Variants in PLCL1 observed in about 807,000 individuals in gnomAD.
The protein encoded by PLCL1 is inactive phospholipase C-like protein 1.
In PLCL1, 41 loss-of-function variants were observed where a neutral mutation model predicts 84.4. The ratio of observed to expected loss-of-function variants is 0.49; its 90% CI spans 0.38 to 0.63. PLCL1 has a LOEUF of 0.63. PLCL1 is among the 30% of genes least tolerant of loss of function. The pLI is 0.00. For synonymous variants in PLCL1, 490 were observed against 488.3 expected (o/e 1.00, Z -0.05); for missense variants, 1,206 against 1,367.8 (o/e 0.88, Z 1.87).
intron 1 of PLCL1, among the ~76,000 whole-genome samples, chr2:198,013,996 T>C (rs1035912141): frequency 9.2e-5 from 14 of 152,090 alleles, no homozygotes; most frequent in African/African-American, 3.1e-4. Context: ...CTAATTCTTC[T>C]TGGCCTGTTT....
intron 5 of PLCL1, among the ~76,000 whole-genome samples, chr2:198,129,683 A>G (rs1694074187): frequency 6.6e-6 from 1 of 152,104 alleles, no homozygotes; most frequent in South Asian, 2.1e-4. Flanking sequence ...TTCATCAACA[A>G]TATGTATACA....
chr2:197,874,565 A>G (rs1336456895), intron 1 of PLCL1, among the ~76,000 whole-genome samples: 2 of 152,152 alleles, frequency 1.3e-5, no homozygotes, highest in African/African-American at 4.8e-5. Context: ...CCTCCAAACT[A>G]TTTAAAAGTA....
chr2:197,825,140 T>C (rs1187906465), intron 1 of PLCL1, among the ~76,000 whole-genome samples: 2 of 152,074 alleles, frequency 1.3e-5, no homozygotes, highest in East Asian at 3.9e-4. Flanking sequence ...ATAATGAATA[T>C]AACATTTTTC....
intron 1 of PLCL1, among the ~76,000 whole-genome samples, chr2:197,986,067 A>G (rs1690211980): frequency 6.6e-6 from 1 of 152,232 alleles, no homozygotes; most frequent in Non-Finnish European, 1.5e-5. Context: ...GAGTGATATT[A>G]GATTCCTATA....
chr2:197,840,629 C>A (rs1686977210), intron 1 of PLCL1, among the ~76,000 whole-genome samples: 1 of 152,056 alleles, frequency 6.6e-6, no homozygotes, highest in South Asian at 2.1e-4. Flanking sequence ...CTACTCTCAG[C>A]ATAATCTTCT....
chr2:197,856,451 AC>A (rs1687331809), intron 1 of PLCL1, among the ~76,000 whole-genome samples: 1 of 152,220 alleles, frequency 6.6e-6, no homozygotes, highest in Non-Finnish European at 1.5e-5. Context: ...AAAACAACTT[AC>A]CAAAAGGTAC....
At chr2:197,995,772 G>T (rs1039405795) in intron 1 of PLCL1, among the ~76,000 whole-genome samples, 1 of 152,160 alleles carries the variant, frequency 6.6e-6, no homozygotes, top group African/African-American at 2.4e-5. Flanking sequence ...TAATGGGGGG[G>T]CGTGTGCCCA....
At chr2:197,983,325 GCTCAAGTGGT>G (rs1285745023) in intron 1 of PLCL1, among the ~76,000 whole-genome samples, 1 of 146,438 alleles carries the variant, frequency 6.8e-6, no homozygotes, top group Non-Finnish European at 1.5e-5. Context: ...AACCTCCTGG[GCTCAAGTGGT>G]CTTCTCATCT....
chr2:197,922,894 G>T (rs1178885515), intron 1 of PLCL1, among the ~76,000 whole-genome samples: 33 of 129,972 alleles, frequency 2.5e-4, no homozygotes, highest in Admixed American at 9.1e-4. Flanking sequence ...GCGGCTGGCC[G>T]GGCGGGGGGC....
rs1690462331 is a variant in PLCL1, at chr2:197,805,776, T to A, written c.240+437T>A. On this transcript the variant is annotated intron_variant, in intron 1 of 5. Coordinates refer to ENST00000428675, the MANE Select transcript of PLCL1 (RefSeq NM_006226.4). The surrounding 1 kb of genome is among the most constrained non-coding windows in gnomAD (Gnocchi z 4.0). Reference sequence around the variant, plus strand: ...GTGTAAAAAAAGAATCCCTCTAGACTTAAATGATCCCGAAATCCCAAGATG... The same window carrying A: ...GTGTAAAAAAAGAATCCCTCTAGACATAAATGATCCCGAAATCCCAAGATG... 6.6e-6 allele frequency among the ~76,000 whole-genome samples: 1 copy of A among 152,200 alleles called. No individual in the cohort carries two copies. The highest frequency in any genetic ancestry group is 1.5e-5 in the Non-Finnish European group (1 of 68,034).
intron 1 of PLCL1, among the ~76,000 whole-genome samples, chr2:198,041,868 T>C (rs140833031): frequency 8.5e-4 from 130 of 152,274 alleles, no homozygotes; most frequent in African/African-American, 2.9e-3. Context: ...GCATGTGTTT[T>C]GGACAATAAG....
At chr2:198,051,299 T>G (rs896682842) in intron 1 of PLCL1, among the ~76,000 whole-genome samples, 2 of 152,196 alleles carry the variant, frequency 1.3e-5, no homozygotes, top group Admixed American at 6.5e-5. Context: ...AATTTTAGGT[T>G]AATAGAACAT....
chr2:197,952,857 C>T (rs1356617258), intron 1 of PLCL1, among the ~76,000 whole-genome samples: 1 of 152,044 alleles, frequency 6.6e-6, no homozygotes. Flanking sequence ...GTAAGGTATG[C>T]CTTTCACCTT....
chr2:197,956,027 G>A (rs1689486082), intron 1 of PLCL1, among the ~76,000 whole-genome samples: 1 of 151,224 alleles, frequency 6.6e-6, no homozygotes, highest in African/African-American at 2.4e-5. Flanking sequence ...GTGTCCATTT[G>A]TTCTCATTGT....
intron 1 of PLCL1, among the ~76,000 whole-genome samples, chr2:198,051,888 A>G (rs1024644704): frequency 2.0e-5 from 3 of 151,104 alleles, no homozygotes; most frequent in Admixed American, 1.3e-4. Flanking sequence ...ATGTGCCACC[A>G]CGGCCAGCTA....
At chr2:198,021,573 T>C (rs1691135202) in intron 1 of PLCL1, among the ~76,000 whole-genome samples, 1 of 152,008 alleles carries the variant, frequency 6.6e-6, no homozygotes, top group East Asian at 1.9e-4. Context: ...TCACCACTGG[T>C]CCCACAGAAA....
intron 1 of PLCL1, among the ~76,000 whole-genome samples, chr2:197,860,988 T>C (rs537256852): frequency 9.2e-5 from 14 of 152,294 alleles, no homozygotes; most frequent in Admixed American, 4.6e-4. Flanking sequence ...GATCCCTGTC[T>C]TAAGTGGCAC....
chr2:197,845,248 A>G (rs1191002321), intron 1 of PLCL1, among the ~76,000 whole-genome samples: 1 of 152,118 alleles, frequency 6.6e-6, no homozygotes, highest in Non-Finnish European at 1.5e-5. Context: ...AAGATTCTAC[A>G]AGTTTGACAA....
At chr2:198,055,371 G>C (rs866986722) in intron 1 of PLCL1, among the ~76,000 whole-genome samples, 1 of 141,086 alleles carries the variant, frequency 7.1e-6, no homozygotes, top group South Asian at 2.2e-4. Flanking sequence ...GAGAAAGAGA[G>C]AGAGAGAGAG....
Sources: gnomAD v4.1 joint callset for allele counts (sites outside exome capture counted in the v4.1 genomes callset) on GRCh38, gnomAD v4.1.1 for gene constraint, Gnocchi (gnomAD v3.1) non-coding constraint, MANE v1.5 for transcripts, NCBI Gene and HGNC (gene_info 2026-07-23, HGNC 2026-07-21) for gene names.